Variants in ZBTB44 observed in about 807,000 individuals in gnomAD.
ZBTB44 encodes zinc finger and BTB domain containing 44.
A neutral mutation model predicts 54.0 loss-of-function variants in ZBTB44; 15 were observed. The observed-to-expected ratio is 0.28, with a 90% CI of 0.19 to 0.43. The LOEUF (loss-of-function observed/expected upper bound fraction) is 0.43, where lower values mean the gene tolerates loss of function less well. ZBTB44 is among the 20% of genes least tolerant of loss of function. The probability of loss-of-function intolerance (pLI) is 1.00; values close to 1 mark genes in which losing one functional copy is unlikely to be tolerated. For missense variants in ZBTB44, 487 were observed against 707.1 expected (o/e 0.69, Z 3.53); for synonymous variants, 230 against 250.1 (o/e 0.92, Z 0.76).
intron 1 of ZBTB44, among the ~76,000 whole-genome samples, chr11:130,288,836 G>A (rs1941131494): frequency 6.6e-6 from 1 of 151,774 alleles, no homozygotes; most frequent in African/African-American, 2.4e-5. Flanking sequence ...GGCGGAGGTT[G>A]CAGTGAGCTG....
In ZBTB44 at chr11:130,249,977, G is replaced by A. The variant is rs1432694687; in HGVS notation, c.1019-10081C>T. Among the ~76,000 whole-genome samples the A allele has an allele frequency of 2.6e-5, 4 of 152,118 alleles. No individual in the cohort carries two copies. In the East Asian group the frequency reaches 7.7e-4, roughly 29 times the overall value. On this transcript the variant is annotated intron_variant, in intron 2 of 7. Transcript: ENST00000357899. ...GGAGCCAAGTGGTCTCACTCAGCAGGTCCCACTCCCACAGAGCCCAGCAAG... is the reference window on the plus strand; with the variant it reads ...GGAGCCAAGTGGTCTCACTCAGCAGATCCCACTCCCACAGAGCCCAGCAAG...
intron 1 of ZBTB44, among the ~76,000 whole-genome samples, chr11:130,280,934 G>C (rs561167036): frequency 6.6e-6 from 1 of 152,230 alleles, no homozygotes; most frequent in African/African-American, 2.4e-5. Context: ...TGAGGGAAAG[G>C]ACAATCTCGC....
chr11:130,271,997 G>A (rs1167667945), intron 1 of ZBTB44, among the ~76,000 whole-genome samples: 1 of 152,024 alleles, frequency 6.6e-6, no homozygotes, highest in Non-Finnish European at 1.5e-5. Context: ...TTGGGAGGTC[G>A]AGGCGGGTGG....
chr11:130,279,660 A>AAACC (rs112723247), intron 1 of ZBTB44, among the ~76,000 whole-genome samples: 5,906 of 151,766 alleles, frequency 0.039, 130 homozygotes, highest in South Asian at 0.078. Flanking sequence ...CTCTGTCTCA[A>AAACC]AACCAACCAA....
At chr11:130,242,280 G>T (rs1051560649) in intron 2 of ZBTB44, among the ~76,000 whole-genome samples, 2 of 152,148 alleles carry the variant, frequency 1.3e-5, no homozygotes, top group African/African-American at 4.8e-5. Flanking sequence ...ATAATACAAA[G>T]ATCCTAGAAG....
chr11:130,275,327 G>A (rs1191078185), intron 1 of ZBTB44, among the ~76,000 whole-genome samples: 1 of 152,012 alleles, frequency 6.6e-6, no homozygotes, highest in African/African-American at 2.4e-5. Context: ...ATTCACCATA[G>A]AACATTTTCT....
At chr11:130,237,476 T>C (rs1340039073) in intron 4 of ZBTB44, among the ~76,000 whole-genome samples, 2 of 152,210 alleles carry the variant, frequency 1.3e-5, no homozygotes, top group African/African-American at 4.8e-5. Flanking sequence ...TGAACGGATA[T>C]GAAAATCATC....
chr11:130,284,573 C>G (rs1162692983), intron 1 of ZBTB44, among the ~76,000 whole-genome samples: 2 of 152,096 alleles, frequency 1.3e-5, no homozygotes, highest in Non-Finnish European at 2.9e-5. Flanking sequence ...CTACTTTGTA[C>G]AAAAAGCACT....
intron 2 of ZBTB44, among the ~76,000 whole-genome samples, chr11:130,249,908 T>C (rs1021495886): frequency 2.0e-4 from 31 of 152,194 alleles, no homozygotes; most frequent in African/African-American, 7.0e-4. Flanking sequence ...GACAGAACCA[T>C]TCACAGAACC....
intron 1 of ZBTB44, among the ~76,000 whole-genome samples, chr11:130,281,285 C>T (rs1195303315): frequency 2.6e-5 from 4 of 151,954 alleles, no homozygotes; most frequent in African/African-American, 7.3e-5. Context: ...TTTGGGAGGC[C>T]GAGGTGGGAG....
At chr11:130,278,341 G>A (rs1940256539) in intron 1 of ZBTB44, among the ~76,000 whole-genome samples, 1 of 152,162 alleles carries the variant, frequency 6.6e-6, no homozygotes, top group Non-Finnish European at 1.5e-5. Flanking sequence ...CACATTGAAA[G>A]TGAAAAACAG....
At chr11:130,252,020 A>G (rs907851952) in intron 2 of ZBTB44, among the ~76,000 whole-genome samples, 16 of 152,348 alleles carry the variant, frequency 1.1e-4, no homozygotes, top group African/African-American at 3.6e-4. Flanking sequence ...TGTGTTCAGG[A>G]GACCTATCTC....
At chr11:130,293,293 C>A (rs1365371544) in intron 1 of ZBTB44, among the ~76,000 whole-genome samples, 1 of 130,686 alleles carries the variant, frequency 7.7e-6, no homozygotes, top group African/African-American at 2.8e-5. Context: ...GAGAACTTGT[C>A]TCTACTAAAA....
intron 1 of ZBTB44, among the ~76,000 whole-genome samples, chr11:130,289,740 AG>A (rs1460402998): frequency 6.6e-6 from 1 of 152,172 alleles, no homozygotes; most frequent in Non-Finnish European, 1.5e-5. Flanking sequence ...TATGTCCTCA[AG>A]GATGTCACTG....
intron 1 of ZBTB44, among the ~76,000 whole-genome samples, chr11:130,275,381 G>C (rs1939981801): frequency 1.3e-5 from 2 of 152,194 alleles, no homozygotes; most frequent in South Asian, 4.2e-4. Context: ...GATTCACTAT[G>C]TTGCCCAGGC....
intron 2 of ZBTB44, among the ~76,000 whole-genome samples, chr11:130,243,648 C>T (rs182176523): frequency 6.6e-6 from 1 of 152,156 alleles, no homozygotes; most frequent in Non-Finnish European, 1.5e-5. Flanking sequence ...CATGAGCATG[C>T]TTTTCTCCAC....
At chr11:130,307,448 G>A (rs1290451454) in intron 1 of ZBTB44, among the ~76,000 whole-genome samples, 1 of 150,536 alleles carries the variant, frequency 6.6e-6, no homozygotes, top group Admixed American at 6.6e-5. Flanking sequence ...AAAGTCTACT[G>A]TTATTGTTTT....
At chr11:130,297,102 T>A (rs978655515) in intron 1 of ZBTB44, among the ~76,000 whole-genome samples, 2 of 152,230 alleles carry the variant, frequency 1.3e-5, no homozygotes, top group African/African-American at 4.8e-5. Flanking sequence ...AAAATGAATT[T>A]TTTCCCCTTG....
At chr11:130,294,165 T>C (rs985720874) in intron 1 of ZBTB44, among the ~76,000 whole-genome samples, 4 of 152,056 alleles carry the variant, frequency 2.6e-5, no homozygotes, top group Admixed American at 1.3e-4. Flanking sequence ...TCCCAGTACT[T>C]TGTGGGGCCG....
Sources: allele counts gnomAD v4.1 joint callset (sites outside exome capture counted in the v4.1 genomes callset), GRCh38; gene constraint gnomAD v4.1.1; transcripts MANE v1.5; gene names NCBI Gene and HGNC (gene_info 2026-07-23, HGNC 2026-07-21).